Variants in CUX2 observed in about 807,000 individuals in gnomAD.
CUX2 encodes the protein homeobox protein cut-like 2.
A neutral mutation model predicts 144.8 loss-of-function variants in CUX2; 40 were observed. The observed-to-expected ratio is 0.28, with a 90% CI of 0.21 to 0.36. The LOEUF is 0.36. CUX2 is among the 10% of genes least tolerant of loss of function. The probability of loss-of-function intolerance (pLI) is 1.00; values close to 1 mark genes in which losing one functional copy is unlikely to be tolerated. For synonymous variants in CUX2, 827 were observed against 875.6 expected (o/e 0.94, Z 0.98); for missense variants, 1,615 against 1,994.0 (o/e 0.81, Z 3.62).
intron 9 of CUX2, among the ~76,000 whole-genome samples, chr12:111,303,446 G>T (rs988152576): frequency 2.6e-5 from 4 of 151,838 alleles, no homozygotes; most frequent in Non-Finnish European, 4.4e-5. Context: ...GACCAGCCTG[G>T]CCAACATGGT....
chr12:111,266,473 CA>C (rs57419229), intron 4 of CUX2, among the ~76,000 whole-genome samples: 38,274 of 93,516 alleles, frequency 0.41, 6,196 homozygotes, highest in East Asian at 0.65. Context: ...CCTGTCTCAA[CA>C]AAAAAAAAAA....
chr12:111,047,707 A>G lies in CUX2; in HGVS notation c.63+13467A>G, dbSNP rs192931600. Among the ~76,000 whole-genome samples, 8 of 152,284 alleles carry G rather than the reference A, an allele frequency of 5.3e-5. No homozygotes were observed. In the East Asian group the frequency reaches 1.5e-3, roughly 29 times the overall value. ...CTCTGAATCTGACATTCATCCATCA[A>G]ATAGCAGGTATTTCTTGAGCACGTG... On this transcript the variant is annotated intron_variant, in intron 1 of 21. Coordinates refer to ENST00000261726, the MANE Select transcript of CUX2 (RefSeq NM_015267.4).
At chr12:111,230,523 G>A (rs890821960) in intron 3 of CUX2, among the ~76,000 whole-genome samples, 5 of 152,250 alleles carry the variant, frequency 3.3e-5, no homozygotes, top group Non-Finnish European at 7.4e-5. Context: ...TGAGACACTC[G>A]ACCTCAGAGC....
chr12:111,257,517 C>A (rs1188921538), intron 3 of CUX2, among the ~76,000 whole-genome samples: 1 of 90,142 alleles, frequency 1.1e-5, no homozygotes, highest in African/African-American at 4.5e-5. Flanking sequence ...CTTCTTCCTC[C>A]TCCCTCCTTC....
intron 20 of CUX2, among the ~76,000 whole-genome samples, chr12:111,339,911 G>A (rs760184239): frequency 6.6e-6 from 1 of 152,312 alleles, no homozygotes; most frequent in Middle Eastern, 3.4e-3. Context: ...AAACAAGAGA[G>A]CTGGCTCAAT....
chr12:111,187,420 C>T (rs1566282235), intron 1 of CUX2, among the ~76,000 whole-genome samples: 1 of 151,996 alleles, frequency 6.6e-6, no homozygotes, highest in Non-Finnish European at 1.5e-5. Context: ...CCTCCCCTGG[C>T]CCCCCCACTG....
chr12:111,309,891 G>A, intron 14 of CUX2, 150 bp from the exon 15 acceptor site: 1 of 584,146 alleles, frequency 1.7e-6, no homozygotes, highest in African/African-American at 2.0e-5. Flanking sequence ...CTCTCTCTCT[G>A]TCTCTCTGAT....
intron 1 of CUX2, among the ~76,000 whole-genome samples, chr12:111,090,725 G>A (rs375926008): frequency 6.6e-6 from 1 of 151,936 alleles, no homozygotes; most frequent in Admixed American, 6.6e-5. Flanking sequence ...TCACCAAGAG[G>A]CCCCTCATGT....
chr12:111,331,080 G>A (rs1055151709), intron 18 of CUX2, among the ~76,000 whole-genome samples: 1 of 151,712 alleles, frequency 6.6e-6, no homozygotes, highest in Non-Finnish European at 1.5e-5. Context: ...TTTGTGAAGG[G>A]GAGTGAGGGA....
At position 111,092,805 on chromosome 12, in the gene CUX2, ATT is replaced by A. The variant is rs528129107; in HGVS notation, c.63+58591_63+58592del. 6.7e-3 allele frequency among the ~76,000 whole-genome samples: 711 copies of A among 105,988 alleles called. 6 individuals carry two copies. The highest frequency in any genetic ancestry group is 0.022 in the African/African-American group (628 of 29,130). The allele number at this position is 105,988 out of a possible 152,430, so 69.5% of individuals were successfully genotyped here. Reference sequence around the variant, plus strand: ...GATAAGGAAACCAAAGCTCTGGCAGATTTTTTTTTTTTTTTTTTTTTTTTTTT... The same window carrying A: ...GATAAGGAAACCAAAGCTCTGGCAGATTTTTTTTTTTTTTTTTTTTTTTTT... On this transcript the variant is annotated intron_variant, in intron 1 of 21. Coordinates refer to ENST00000261726, the MANE Select transcript of CUX2 (RefSeq NM_015267.4).
rs1877656747 is a variant in CUX2 at position 111,160,090 on chromosome 12, C to T, written c.64-54110C>T. On this transcript the variant is annotated intron_variant, in intron 1 of 21. Coordinates refer to ENST00000261726, the MANE Select transcript of CUX2 (RefSeq NM_015267.4). This position sits in a 1 kb window ranked among gnomAD's most constrained non-coding sequence, Gnocchi z 4.1. Reference sequence around the variant, plus strand: ...TTAGGGGATGATTCCTTCTTTCCTTCAATATTCATTGAGCTCCTGCTGGGT... The same window carrying T: ...TTAGGGGATGATTCCTTCTTTCCTTTAATATTCATTGAGCTCCTGCTGGGT... Among the ~76,000 whole-genome samples, 1 of 152,154 alleles carries T rather than the reference C, an allele frequency of 6.6e-6. No individual in the cohort carries two copies. The highest frequency in any genetic ancestry group is 2.4e-5 in the African/African-American group (1 of 41,432).
intron 1 of CUX2, among the ~76,000 whole-genome samples, chr12:111,166,908 G>T (rs1334488617): frequency 1.3e-5 from 2 of 152,218 alleles, no homozygotes; most frequent in Admixed American, 1.3e-4. Flanking sequence ...TTGGCCACTT[G>T]CCCCTTGGCA....
chr12:111,062,997 C>T (rs972651947), intron 1 of CUX2, among the ~76,000 whole-genome samples: 17 of 151,932 alleles, frequency 1.1e-4, no homozygotes, highest in African/African-American at 4.1e-4. Context: ...CTGCTGAGGT[C>T]GTTATCATGA....
At chr12:111,125,558 G>A (rs1012403127) in intron 1 of CUX2, among the ~76,000 whole-genome samples, 5 of 152,180 alleles carry the variant, frequency 3.3e-5, no homozygotes, top group African/African-American at 1.2e-4. Flanking sequence ...CATCCATGTT[G>A]GCACATGGAT....
In CUX2 at chr12:111,115,050, A is replaced by G. The variant is rs1055360548; in HGVS notation, c.63+80810A>G. On this transcript the variant is annotated intron_variant, in intron 1 of 21. Coordinates refer to ENST00000261726, the MANE Select transcript of CUX2 (RefSeq NM_015267.4). ...ATGTCTATCCTTATAGCATTACCGTACTTTATTGATTACTATATCTTCACA... is the reference window on the plus strand; with the variant it reads ...ATGTCTATCCTTATAGCATTACCGTGCTTTATTGATTACTATATCTTCACA... Among the ~76,000 whole-genome samples the G allele has an allele frequency of 1.2e-4, 18 of 152,146 alleles. 1 individual carries two copies. Among genetic ancestry groups the G allele is most frequent in the African/African-American group, 3.4e-4 (14 of 41,430 alleles).
At chr12:111,127,623 G>C (rs768530217) in intron 1 of CUX2, among the ~76,000 whole-genome samples, 86 of 152,314 alleles carry the variant, frequency 5.6e-4, no homozygotes, top group Non-Finnish European at 1.0e-3. Flanking sequence ...AAGACCTCTA[G>C]ACCAGCAAAG....
At chr12:111,050,431 C>T (rs1340389508) in intron 1 of CUX2, among the ~76,000 whole-genome samples, 6 of 152,124 alleles carry the variant, frequency 3.9e-5, no homozygotes, top group Non-Finnish European at 8.8e-5. Context: ...TTCTGTCTTT[C>T]TTTTTAAGCC....
At chr12:111,247,547 G>A (rs1883336717) in intron 3 of CUX2, among the ~76,000 whole-genome samples, 1 of 152,226 alleles carries the variant, frequency 6.6e-6, no homozygotes, top group African/African-American at 2.4e-5. Flanking sequence ...AGGGCTGAGA[G>A]AGCACAGGGT....
rs779561015 is a variant in CUX2 at position 111,255,305 on chromosome 12, A to G, written c.223-8456A>G. 1.3e-5 allele frequency among the ~76,000 whole-genome samples: 2 copies of G among 152,240 alleles called. No individual in the cohort carries two copies. The highest frequency in any genetic ancestry group is 6.5e-5 in the Admixed American group (1 of 15,286). On this transcript the variant is annotated intron_variant, in intron 3 of 21. Coordinates refer to ENST00000261726, the MANE Select transcript of CUX2 (RefSeq NM_015267.4). This position sits in a 1 kb window ranked among gnomAD's most constrained non-coding sequence, Gnocchi z 4.1. ...TTGACAACAGTAGCTATCAAAAACAAAAGTCAAACTTATTTCTTATTTAAT... is the reference window on the plus strand; with the variant it reads ...TTGACAACAGTAGCTATCAAAAACAGAAGTCAAACTTATTTCTTATTTAAT...
Sources: gnomAD v4.1 joint callset for allele counts (sites outside exome capture counted in the v4.1 genomes callset) on GRCh38, gnomAD v4.1.1 for gene constraint, Gnocchi (gnomAD v3.1) non-coding constraint, MANE v1.5 for transcripts, NCBI Gene and HGNC (gene_info 2026-07-23, HGNC 2026-07-21) for gene names.